The following DMBT1 variants were observed in gnomAD, a reference collection of about 807,000 sequenced individuals.
The protein encoded by DMBT1 is scavenger receptor cysteine-rich domain-containing protein DMBT1.
Under a neutral mutation model 252.9 loss-of-function variants are expected in DMBT1, and 198 were observed. The ratio of observed to expected loss-of-function variants is 0.78; its 90% CI spans 0.70 to 0.88. DMBT1 has a LOEUF of 0.88. DMBT1 is among the 40% of genes least tolerant of loss of function. The probability of loss-of-function intolerance (pLI) is 0.00; values close to 1 mark genes in which losing one functional copy is unlikely to be tolerated. For missense variants in DMBT1, 2,432 were observed against 2,404.7 expected, an observed-to-expected ratio of 1.01 and a Z score of -0.24; for synonymous variants, 990 against 942.7, an observed-to-expected ratio of 1.05 and a Z score of -0.92.
intron 48 of DMBT1, 74 bp downstream of exon 48, chr10:122,630,564 C>A: frequency 1.3e-6 from 2 of 1,488,584 alleles, no homozygotes; most frequent in Non-Finnish European, 1.9e-6. Flanking sequence ...CACCATGGTT[C>A]CCCAAGGAAA....
chr10:122,586,077 G>T lies in DMBT1; in HGVS notation c.1477G>T (p.Ala493Ser). 2.5e-6 allele frequency: 4 copies of T among 1,588,884 alleles called. No individual in the cohort carries two copies. The change falls in exon 16 of 56, where the codon GCC becomes TCC. Residue 493 changes from alanine (A) to serine (S), a missense_variant. By Grantham distance (99) the Ala-to-Ser change is moderately conservative. Coordinates refer to ENST00000338354, the MANE Select transcript of DMBT1 (RefSeq NM_001377530.1). ...ASTVGSESSL[A>S]LRLVNGGDRC... Reference sequence around the variant, plus strand: ...CCCTGTAGGATCTGAATCCAGTTTGGCCCTGAGGCTGGTGAATGGAGGTGA... The same window carrying T: ...CCCTGTAGGATCTGAATCCAGTTTGTCCCTGAGGCTGGTGAATGGAGGTGA...
chr10:122,621,597 T>G (rs1387807055), intron 44 of DMBT1, among the ~76,000 whole-genome samples: 1 of 152,148 alleles, frequency 6.6e-6, no homozygotes, highest in African/African-American at 2.4e-5. Context: ...CAACCCAGAC[T>G]TTATCCCCTT....
At chr10:122,619,872 G>A (rs1162649856) in intron 42 of DMBT1, among the ~76,000 whole-genome samples, 1 of 152,216 alleles carries the variant, frequency 6.6e-6, no homozygotes, top group Non-Finnish European at 1.5e-5. Flanking sequence ...TATTTCTGGT[G>A]CCTCCACTTA....
At chr10:122,590,284 G>A (rs2097839173) in intron 17 of DMBT1, among the ~76,000 whole-genome samples, 1 of 148,924 alleles carries the variant, frequency 6.7e-6, no homozygotes, top group African/African-American at 2.4e-5. Flanking sequence ...GTGCCCATTA[G>A]GGCTGCTGAG....
chr10:122,617,766 A>G (rs978256332), intron 40 of DMBT1, among the ~76,000 whole-genome samples: 3 of 151,570 alleles, frequency 2.0e-5, no homozygotes, highest in Non-Finnish European at 4.4e-5. Context: ...GGAGTGGGGC[A>G]TTCATTCCTG....
intron 46 of DMBT1, among the ~76,000 whole-genome samples, chr10:122,626,958 T>C (rs1412178117): frequency 6.6e-6 from 1 of 152,062 alleles, no homozygotes; most frequent in Admixed American, 6.6e-5. Context: ...GGAGCTTGGC[T>C]CTTTGAAGGA....
chr10:122,597,557 G>A (rs947656978), intron 24 of DMBT1, among the ~76,000 whole-genome samples: 2 of 152,214 alleles, frequency 1.3e-5, no homozygotes, highest in South Asian at 4.1e-4. Flanking sequence ...GGCCATGCTC[G>A]GGCAGGGAGA....
chr10:122,575,411 A>G (rs2097703791), intron 6 of DMBT1, among the ~76,000 whole-genome samples: 1 of 152,172 alleles, frequency 6.6e-6, no homozygotes, highest in Non-Finnish European at 1.5e-5. Flanking sequence ...CCAAATTTAC[A>G]CAGCAAGACA....
intron 1 of DMBT1, among the ~76,000 whole-genome samples, chr10:122,563,718 C>T (rs2097567369): frequency 6.6e-6 from 1 of 152,172 alleles, no homozygotes; most frequent in Admixed American, 6.5e-5. Context: ...ACAGATTGGT[C>T]TCAGTATGTG....
In DMBT1 at chr10:122,618,308, G is replaced by C. The variant is rs766809988; in HGVS notation, c.5183G>C (p.Gly1728Ala). 6.2e-7 allele frequency: 1 copy of C among 1,613,850 alleles called. No homozygotes were observed. Among genetic ancestry groups the C allele is most frequent in the Non-Finnish European group, 8.5e-7 (1 of 1,179,782 alleles). ...AATGGCTGGCTCTCCCACAACTGTG[G>C]CCATCATGAAGATGCTGGTGTCATC... is the stretch of plus-strand genomic sequence containing the variant. The part of the protein sequence containing the change: ...PHNGWLSHNC[G>A]HHEDAGVICS... The change falls in exon 41 of 56, where the codon GGC becomes GCC. Residue 1728 changes from glycine to alanine, a missense_variant. By Grantham distance (60) the Gly-to-Ala change is moderately conservative. Transcript: ENST00000338354.
Position 122,586,382 on chromosome 10 carries a change from A to G in DMBT1, c.1782A>G (p.Ser594=). ...GTGAAGACGCTGGTGTCATCTGCTC[A>G]GGTGGGCCTCCAAGACTTTTGGTTT... ...GHSEDAGVIC[S]GPESSLALRL... The change falls in exon 16 of 56, where the codon TCA becomes TCG. Residue 594 remains serine, a splice_region_variant and synonymous_variant. Transcript: ENST00000338354. The G allele has an allele frequency of 6.3e-7, 1 of 1,588,520 alleles. No individual in the cohort carries two copies. The highest frequency in any genetic ancestry group is 8.6e-7 in the Non-Finnish European group (1 of 1,165,726).
In DMBT1 at chr10:122,629,911, T is replaced by C. The variant is rs1565959717; in HGVS notation, c.5740T>C (p.Tyr1914His). 1.2e-6 allele frequency: 2 copies of C among 1,613,908 alleles called. No individual in the cohort carries two copies. The highest frequency in any genetic ancestry group is 1.1e-5 in the South Asian group (1 of 91,094). ...ATTCTCCAGCCCATCCTACCCTGCA[T>C]ACTACCCCAACAATGCTAAGTGTGT... Reference protein sequence around the residue: ...GTFSSPSYPAYYPNNAKCVWE... With the variant: ...GTFSSPSYPAHYPNNAKCVWE... Residue 1914 changes from tyrosine (Y) to histidine (H), a missense_variant, in exon 47 of 56, where the codon TAC becomes CAC. This residue lies in a region of DMBT1 where 1,162 missense variants were observed against 1,169.0 expected (regional missense o/e 0.99). Transcript: ENST00000338354.
chr10:122,568,638 C>T (rs2097626620), intron 2 of DMBT1, among the ~76,000 whole-genome samples: 1 of 152,160 alleles, frequency 6.6e-6, no homozygotes, highest in South Asian at 2.1e-4. Context: ...GGTGTCAGGG[C>T]CGGGTGGAGG....
In DMBT1 at chr10:122,576,738, T is replaced by G. The variant is rs2097715717; in HGVS notation, c.607+16T>G. On this transcript the variant is annotated intron_variant, in intron 7 of 55. Coordinates refer to ENST00000338354, the MANE Select transcript of DMBT1 (RefSeq NM_001377530.1). ...ATCTGCTCAGGTAGGCATCCAGATC[T>G]CTGGAGGGTTGGGTGTGGTGGCTCA... 7 of 1,613,610 alleles carry G rather than the reference T, an allele frequency of 4.3e-6. No homozygotes were observed. The highest frequency in any genetic ancestry group is 5.9e-6 in the Non-Finnish European group (7 of 1,179,682).
At chr10:122,580,077 C>G (rs937293392) in intron 10 of DMBT1, among the ~76,000 whole-genome samples, 176 bp downstream of exon 10, 1 of 152,220 alleles carries the variant, frequency 6.6e-6, no homozygotes, top group African/African-American at 2.4e-5. Context: ...CCTGTGGTCA[C>G]TTAGGACAGG....
At chr10:122,618,959 G>T (rs1165600726) in intron 41 of DMBT1, among the ~76,000 whole-genome samples, 1 of 152,236 alleles carries the variant, frequency 6.6e-6, no homozygotes, top group East Asian at 1.9e-4. Flanking sequence ...ATTGCCTGTG[G>T]TCGGGGCTGT....
chr10:122,600,149 C>T (rs905533363), intron 27 of DMBT1, 56 bp downstream of exon 27: 2 of 1,581,008 alleles, frequency 1.3e-6, no homozygotes, highest in Non-Finnish European at 1.7e-6. Flanking sequence ...CCAATCACCC[C>T]TTCCACACTC....
rs751886071 is a variant in DMBT1 at position 122,640,419 on chromosome 10, C to T, written c.7322C>T (p.Thr2441Met). The T allele has an allele frequency of 1.1e-5, 17 of 1,613,592 alleles. No individual in the cohort carries two copies. The highest frequency in any genetic ancestry group is 3.3e-5 in the South Asian group (3 of 91,058). Reference sequence around the variant, plus strand: ...GCATCACCATACTCCAATGACTTCACGTCTTTGACTTATGATCTAATCCGG... The same window carrying T: ...GCATCACCATACTCCAATGACTTCATGTCTTTGACTTATGATCTAATCCGG... ...CVASPYSNDF[T>M]SLTYDLIRSG... The change falls in exon 55 of 56, where the codon ACG (threonine) becomes ATG (methionine). Residue 2441 changes from threonine to methionine, a missense_variant. Thr to Met is a moderately conservative substitution (Grantham distance 81). This residue lies in a region of DMBT1 where 1,162 missense variants were observed against 1,169.0 expected (regional missense o/e 0.99). Coordinates refer to ENST00000338354, the MANE Select transcript of DMBT1 (RefSeq NM_001377530.1).
chr10:122,629,913 C>G lies in DMBT1; in HGVS notation c.5742C>G (p.Tyr1914Ter), dbSNP rs766409222. 5 of 1,614,012 alleles carry G rather than the reference C, an allele frequency of 3.1e-6. No individual in the cohort carries two copies. The highest frequency in any genetic ancestry group is 4.2e-6 in the Non-Finnish European group (5 of 1,179,872). The change falls in exon 47 of 56, where the codon TAC (tyrosine) becomes TAG (stop). Residue 1914 changes from tyrosine (Y) to a stop codon, truncating the protein, a stop_gained. Coordinates refer to ENST00000338354, the MANE Select transcript of DMBT1 (RefSeq NM_001377530.1). LOFTEE classifies it high-confidence loss of function. ...GTFSSPSYPA[Y>*]YPNNAKCVWE... ...TCTCCAGCCCATCCTACCCTGCATA[C>G]TACCCCAACAATGCTAAGTGTGTTT...
Sources: allele counts gnomAD v4.1 joint callset (sites outside exome capture counted in the v4.1 genomes callset), GRCh38; gene constraint gnomAD v4.1.1; regional missense constraint gnomAD v4.1.1; transcripts MANE v1.5; gene names NCBI Gene and HGNC (gene_info 2026-07-23, HGNC 2026-07-21).